Variants in NRXN2 observed in about 807,000 individuals in gnomAD.
The protein encoded by NRXN2 is neurexin-2-beta.
A neutral mutation model predicts 128.8 loss-of-function variants in NRXN2; 29 were observed. That is an observed-to-expected ratio of 0.23 (90% CI 0.17 to 0.31). The LOEUF is 0.31. Among genes scored for constraint, NRXN2 ranks in the 10% least tolerant of loss-of-function variants. NRXN2 has a pLI of 1.00. For missense variants in NRXN2, 1,881 were observed against 2,452.6 expected (o/e 0.77, Z 4.92); for synonymous variants, 1,098 against 1,075.2 (o/e 1.02, Z -0.41).
At chr11:64,654,277 G>A (rs1233787799) in intron 11 of NRXN2, among the ~76,000 whole-genome samples, 1 of 152,060 alleles carries the variant, frequency 6.6e-6, no homozygotes, top group Non-Finnish European at 1.5e-5. Flanking sequence ...CAAAGCCCCA[G>A]TGGCTAGTAC....
At chr11:64,690,323 G>C in intron 5 of NRXN2, 82 bp downstream of exon 5, 1 of 1,282,738 alleles carries the variant, frequency 7.8e-7, no homozygotes. Flanking sequence ...TGCCTGCGTT[G>C]ACTTGGCTTC....
intron 20 of NRXN2, among the ~76,000 whole-genome samples, chr11:64,625,528 T>C (rs566826877): frequency 1.3e-5 from 2 of 152,318 alleles, no homozygotes; most frequent in East Asian, 3.9e-4. Flanking sequence ...AAGTTACATT[T>C]GGGGGTTTTA....
At chr11:64,700,528 G>A (rs1208090666) in intron 2 of NRXN2, among the ~76,000 whole-genome samples, 2 of 152,066 alleles carry the variant, frequency 1.3e-5, no homozygotes, top group African/African-American at 4.8e-5. Context: ...CACAGAGCTC[G>A]GTGTTATCTA....
intron 7 of NRXN2, among the ~76,000 whole-genome samples, chr11:64,669,904 G>A (rs1045265877): frequency 2.6e-5 from 4 of 152,118 alleles, no homozygotes; most frequent in Non-Finnish European, 4.4e-5. Flanking sequence ...TTTCTCTTTC[G>A]GGAACAGTCT....
Position 64,652,135 on chromosome 11 carries a change from C to A in NRXN2, c.2436G>T (p.Leu812=), listed in dbSNP as rs1422904366. Residue 812 remains leucine (L), a synonymous_variant, in exon 13 of 23, where the codon CTG becomes CTT. Transcript: ENST00000265459. ...GCAPSKGPET[L]FAGHKLNDNE... is the part of the protein sequence containing the mutation. ...TGTCATTGAGCTTGTGCCCCGCAAA[C>A]AGCGTTTCGGGGCCTTTACCTGCGG... 6.2e-7 allele frequency: 1 copy of A among 1,612,994 alleles called. No homozygotes were observed. Among genetic ancestry groups the A allele is most frequent in the Non-Finnish European group, 8.5e-7 (1 of 1,179,962 alleles).
At position 64,627,921 on chromosome 11, in the gene NRXN2, A is replaced by C. The variant is rs2043307343; in HGVS notation, c.3758-1369T>G. Among the ~76,000 whole-genome samples, 3 of 151,544 alleles carry C rather than the reference A, an allele frequency of 2.0e-5. No homozygotes were observed. The South Asian group carries it at 6.3e-4, about 32-fold the overall frequency. On this transcript the variant is annotated intron_variant, in intron 19 of 22. Coordinates refer to ENST00000265459, the MANE Select transcript of NRXN2 (RefSeq NM_015080.4). ...CCCGGGCCTGGGCCTGCCTATGTAC[A>C]CCTCCCATGAAGGTACACACGATGT...
At chr11:64,620,434 C>T (rs1188255267) in intron 21 of NRXN2, 62 bp from the exon 22 acceptor site, 4 of 1,346,038 alleles carry the variant, frequency 3.0e-6, no homozygotes, top group Non-Finnish European at 3.1e-6. Flanking sequence ...GATCCCACAG[C>T]TGCCACTTGA....
chr11:64,679,762 G>T (rs1268452962), intron 6 of NRXN2, among the ~76,000 whole-genome samples: 1 of 152,172 alleles, frequency 6.6e-6, no homozygotes, highest in African/African-American at 2.4e-5. Flanking sequence ...ATGAGATGGG[G>T]CCCCTCTAGA....
At chr11:64,659,837 G>A (rs966226231) in intron 11 of NRXN2, among the ~76,000 whole-genome samples, 2 of 152,188 alleles carry the variant, frequency 1.3e-5, no homozygotes, top group Admixed American at 6.5e-5. Context: ...CACACAGACT[G>A]CTGTTTAGAC....
Position 64,626,473 on chromosome 11 carries a change from C to A in NRXN2, c.3837G>T (p.Leu1279=). The change falls in exon 20 of 23, where the codon CTG becomes CTT. Residue 1279 remains leucine (L), a synonymous_variant. Coordinates refer to ENST00000265459, the MANE Select transcript of NRXN2 (RefSeq NM_015080.4). ...YRLGRVVDEW[L]LDKGRQLTIF... ...ATTCTGGTTAATTACCTTTGTCGAG[C>A]AGCCACTCATCTACTACTCGACCAA... The A allele has an allele frequency of 6.2e-7, 1 of 1,610,428 alleles. No homozygotes were observed.
At chr11:64,719,946 A>G (rs547455213) in intron 1 of NRXN2, among the ~76,000 whole-genome samples, 3 of 152,358 alleles carry the variant, frequency 2.0e-5, no homozygotes, top group Non-Finnish European at 2.9e-5. Flanking sequence ...GTGTCTTACA[A>G]ATACCTCAAA....
In NRXN2 at chr11:64,660,868, C is replaced by T. The variant is rs771120324; in HGVS notation, c.2070G>A (p.Thr690=). Residue 690 remains threonine, a synonymous_variant, in exon 10 of 23, where the codon ACG becomes ACA. Transcript: ENST00000265459. This position sits in a 1 kb window ranked among gnomAD's most constrained non-coding sequence, Gnocchi z 5.2. ...VGVAPFCSRE[T]LKQCASAPCR... ...AGGGGGCAGATGCACACTGCTTCAG[C>T]GTCTCCCGGGAGCAAAAGGGGGCAA... is the stretch of plus-strand genomic sequence containing the variant. 2.0e-5 allele frequency: 32 copies of T among 1,613,688 alleles called. No homozygotes were observed. The Admixed American group carries it at 3.2e-4, about 16-fold the overall frequency.
At position 64,650,503 on chromosome 11, in the gene NRXN2, A is replaced by T. The variant is rs768927055; in HGVS notation, c.3054T>A (p.Ile1018=). ...AGTGCTGCGTGACAGTGCGGGAGTC[A>T]ATCTTGAGCGTGTGCACGTTGCCTG... The part of the protein sequence containing the change: ...RDPGNVHTLK[I]DSRTVTQHSN... The change falls in exon 15 of 23, where the codon ATT becomes ATA. Residue 1018 remains isoleucine (I), a synonymous_variant. Transcript: ENST00000265459. The T allele has an allele frequency of 6.2e-7, 1 of 1,614,172 alleles. No homozygotes were observed. Among genetic ancestry groups the T allele is most frequent in the Non-Finnish European group, 8.5e-7 (1 of 1,180,030 alleles).
chr11:64,687,299 C>T (rs895626964), intron 5 of NRXN2, among the ~76,000 whole-genome samples: 1 of 152,166 alleles, frequency 6.6e-6, no homozygotes, highest in Non-Finnish European at 1.5e-5. Flanking sequence ...TGTGTTGAGG[C>T]AGTGGGGTGG....
intron 5 of NRXN2, among the ~76,000 whole-genome samples, chr11:64,688,144 C>T (rs1164254966): frequency 6.6e-6 from 1 of 152,126 alleles, no homozygotes; most frequent in African/African-American, 2.4e-5. Flanking sequence ...AGGAAAGAGG[C>T]GGGTCTGGGG....
rs2039756234 is a variant in NRXN2 at position 64,607,189 on chromosome 11, C to T, written c.*7G>A. The T allele has an allele frequency of 1.9e-6, 3 of 1,611,992 alleles. No homozygotes were observed. The highest frequency in any genetic ancestry group is 2.5e-6 in the Non-Finnish European group (3 of 1,178,666). On this transcript the variant is annotated 3_prime_UTR_variant, in exon 23 of 23. Coordinates refer to ENST00000265459, the MANE Select transcript of NRXN2 (RefSeq NM_015080.4). ...GGCAGCTGGCAGTGGGGCGCAGTGC[C>T]GGGGGCTCAGACATAATACTCCTTG...
At chr11:64,716,895 C>G (rs1447656685) in intron 1 of NRXN2, among the ~76,000 whole-genome samples, 1 of 152,118 alleles carries the variant, frequency 6.6e-6, no homozygotes, top group Non-Finnish European at 1.5e-5. Flanking sequence ...TTCCCCCGCC[C>G]AGTGTCCAGG....
chr11:64,626,089 G>A (rs1430345372), intron 20 of NRXN2, among the ~76,000 whole-genome samples: 1 of 152,192 alleles, frequency 6.6e-6, no homozygotes, highest in Non-Finnish European at 1.5e-5. Flanking sequence ...AAGCCTCCGA[G>A]ATGATTCTGG....
chr11:64,639,454 G>A (rs373537584), intron 17 of NRXN2, among the ~76,000 whole-genome samples: 1 of 152,290 alleles, frequency 6.6e-6, no homozygotes, highest in East Asian at 1.9e-4. Context: ...AATTAGCAGG[G>A]ATTGACCACT....
Sources: gnomAD v4.1 joint callset for allele counts (sites outside exome capture counted in the v4.1 genomes callset) on GRCh38, gnomAD v4.1.1 for gene constraint, Gnocchi (gnomAD v3.1) non-coding constraint, MANE v1.5 for transcripts, NCBI Gene and HGNC (gene_info 2026-07-23, HGNC 2026-07-21) for gene names.